Variants in GRK5 observed in about 807,000 individuals in gnomAD.
GRK5 encodes the protein G protein-coupled receptor kinase 5.
In GRK5, 40 loss-of-function variants were observed where a neutral mutation model predicts 78.4. The ratio of observed to expected loss-of-function variants is 0.51; its 90% CI spans 0.40 to 0.66. The LOEUF (loss-of-function observed/expected upper bound fraction) is 0.66, where lower values mean the gene tolerates loss of function less well. Among genes scored for constraint, GRK5 ranks in the 30% least tolerant of loss-of-function variants. The probability of loss-of-function intolerance (pLI) is 0.00; values close to 1 mark genes in which losing one functional copy is unlikely to be tolerated. For missense variants in GRK5, 598 were observed against 759.9 expected, an observed-to-expected ratio of 0.79 and a Z score of 2.50; for synonymous variants, 289 against 296.8, an observed-to-expected ratio of 0.97 and a Z score of 0.27.
At chr10:119,370,591 C>T (rs1030089795) in intron 2 of GRK5, among the ~76,000 whole-genome samples, 3 of 152,200 alleles carry the variant, frequency 2.0e-5, no homozygotes, top group Non-Finnish European at 2.9e-5. Flanking sequence ...TTCCAAGGGG[C>T]GGGCTGGGAA....
At chr10:119,263,957 TA>T (rs1044600753) in intron 1 of GRK5, among the ~76,000 whole-genome samples, 21 of 151,912 alleles carry the variant, frequency 1.4e-4, no homozygotes, top group Non-Finnish European at 2.8e-4. Context: ...TAAAACAAAA[TA>T]AAAAAATAAA....
rs1337814089 is a variant in GRK5 at position 119,207,819 on chromosome 10, G to A, written c.-99G>A. 4 of 1,185,690 alleles carry A rather than the reference G, an allele frequency of 3.4e-6. No individual in the cohort carries two copies. Among genetic ancestry groups the A allele is most frequent in the Non-Finnish European group, 4.7e-6 (4 of 850,156 alleles). The allele number at this position is 1,185,690 out of a possible 1,614,324, so 73.4% of individuals were successfully genotyped here. The stretch of plus-strand genomic sequence containing the variant: ...CGGGCTGCTGGCTCCCCCGGCTCCG[G>A]CAGCAGCGGCGGCAGCCCGAGCAGC... On this transcript the variant is annotated 5_prime_UTR_variant, in exon 1 of 16. Transcript: ENST00000392870.
At position 119,424,933 on chromosome 10, in the gene GRK5, G is replaced by GC. The variant is rs1286447689; in HGVS notation, c.441-54dup. On this transcript the variant is annotated intron_variant, in intron 5 of 15. Transcript: ENST00000392870. Reference sequence around the variant, plus strand: ...CATTTCCAAAGCTGGACACAGCTTTGCCCCCCTGCTTGAAGATCGGGATTA... The same window carrying GC: ...CATTTCCAAAGCTGGACACAGCTTTGCCCCCCCTGCTTGAAGATCGGGATTA... 4 of 1,191,062 alleles carry GC rather than the reference G, an allele frequency of 3.4e-6. No individual in the cohort carries two copies. The African/African-American group carries it at 4.5e-5, about 13-fold the overall frequency. The allele number at this position is 1,191,062 out of a possible 1,614,324, so 73.8% of individuals were successfully genotyped here.
intron 1 of GRK5, among the ~76,000 whole-genome samples, chr10:119,322,869 C>T (rs775356456): frequency 2.0e-5 from 3 of 152,186 alleles, no homozygotes; most frequent in African/African-American, 4.8e-5. Flanking sequence ...TCCATAGCAG[C>T]GTTATACGTA....
At chr10:119,252,566 C>T (rs996382339) in intron 1 of GRK5, among the ~76,000 whole-genome samples, 21 of 152,110 alleles carry the variant, frequency 1.4e-4, no homozygotes, top group Non-Finnish European at 2.1e-4. Flanking sequence ...GGTAGCAGCA[C>T]GATCTTGTGC....
At chr10:119,222,676 G>C (rs543893820) in intron 1 of GRK5, among the ~76,000 whole-genome samples, 41 of 152,072 alleles carry the variant, frequency 2.7e-4, no homozygotes, top group Admixed American at 5.2e-4. Context: ...CAGTAATTTT[G>C]TTAACAATTG....
chr10:119,297,764 C>T (rs1850108236), intron 1 of GRK5, among the ~76,000 whole-genome samples: 1 of 152,216 alleles, frequency 6.6e-6, no homozygotes, highest in African/African-American at 2.4e-5. Flanking sequence ...TGAAGTCATG[C>T]TCTTGGACTT....
chr10:119,212,466 G>C (rs986738358), intron 1 of GRK5, among the ~76,000 whole-genome samples: 6 of 152,112 alleles, frequency 3.9e-5, no homozygotes, highest in African/African-American at 1.4e-4. Context: ...ATACCCTTTG[G>C]ATCTGGGCTG....
intron 1 of GRK5, among the ~76,000 whole-genome samples, chr10:119,320,608 G>T (rs916396359): frequency 3.9e-5 from 6 of 152,222 alleles, no homozygotes; most frequent in Admixed American, 1.3e-4. Context: ...TAGAATTCAG[G>T]CTAAGACTGG....
At chr10:119,345,030 G>A (rs866555487) in intron 2 of GRK5, among the ~76,000 whole-genome samples, 27 of 150,506 alleles carry the variant, frequency 1.8e-4, no homozygotes, top group African/African-American at 6.1e-4. Context: ...GTGCAGTGGC[G>A]CCATCTCGGC....
At chr10:119,454,547 G>C (rs1030251153) in intron 15 of GRK5, among the ~76,000 whole-genome samples, 1 of 152,214 alleles carries the variant, frequency 6.6e-6, no homozygotes, top group African/African-American at 2.4e-5. Context: ...GCCCTCGCTA[G>C]AGCCCTTTGC....
At chr10:119,208,740 G>T (rs929752976) in intron 1 of GRK5, 6 of 152,018 alleles carry the variant, frequency 3.9e-5, no homozygotes, top group African/African-American at 1.5e-4. Flanking sequence ...TAAATGGAGT[G>T]TGTAAGATCC....
intron 1 of GRK5, among the ~76,000 whole-genome samples, chr10:119,320,123 T>C (rs1378009272): frequency 6.6e-6 from 1 of 152,102 alleles, no homozygotes; most frequent in African/African-American, 2.4e-5. Context: ...GCCATGCCTG[T>C]AGGGTCGGAG....
At position 119,443,579 on chromosome 10, in the gene GRK5, A is replaced by G; in HGVS notation, c.1093A>G (p.Ser365Gly). ...CCTGAACAACCAGAGGTACGGCCTG[A>G]GCCCCGACTACTGGGGCCTTGGCTG... Reference protein sequence around the residue: ...EVLNNQRYGLSPDYWGLGCLI... With the variant: ...EVLNNQRYGLGPDYWGLGCLI... Residue 365 changes from serine (S) to glycine (G), a missense_variant, in exon 12 of 16, where the codon AGC (serine) becomes GGC (glycine). Coordinates refer to ENST00000392870, the MANE Select transcript of GRK5 (RefSeq NM_005308.3). 1 of 1,612,454 alleles carries G rather than the reference A, an allele frequency of 6.2e-7. No individual in the cohort carries two copies. The highest frequency in any genetic ancestry group is 8.5e-7 in the Non-Finnish European group (1 of 1,178,760).
At chr10:119,356,926 C>A (rs1001210750) in intron 2 of GRK5, among the ~76,000 whole-genome samples, 5 of 152,264 alleles carry the variant, frequency 3.3e-5, no homozygotes, top group Non-Finnish European at 5.9e-5. Context: ...CTCTCTTTAG[C>A]AACTGACCAG....
chr10:119,364,681 G>A (rs1261955949), intron 2 of GRK5, among the ~76,000 whole-genome samples: 1 of 152,198 alleles, frequency 6.6e-6, no homozygotes, highest in Non-Finnish European at 1.5e-5. Flanking sequence ...AGGCATCCTT[G>A]AAGGGCTTTC....
intron 1 of GRK5, among the ~76,000 whole-genome samples, chr10:119,260,372 CTT>C (rs56407821): frequency 3.5e-4 from 35 of 101,426 alleles, no homozygotes; most frequent in Non-Finnish European, 5.5e-4. Context: ...TAACCGTCTG[CTT>C]TTTTTTTTTT....
chr10:119,453,212 T>G lies in GRK5; in HGVS notation c.1610T>G (p.Leu537Arg). Residue 537 changes from leucine (L) to arginine (R), a missense_variant, in exon 15 of 16, where the codon CTG (leucine) becomes CGG (arginine). By Grantham distance (102) the Leu-to-Arg change is moderately radical. Coordinates refer to ENST00000392870, the MANE Select transcript of GRK5 (RefSeq NM_005308.3). ...CCTAATGGTACCCTCCCGCCAGATC[T>G]GAACAGAAACCACCCTCCGGAACCG... Reference protein sequence around the residue: ...FGPNGTLPPDLNRNHPPEPPK... With the variant: ...FGPNGTLPPDRNRNHPPEPPK... 2 of 1,612,982 alleles carry G rather than the reference T, an allele frequency of 1.2e-6. No individual in the cohort carries two copies. Among genetic ancestry groups the G allele is most frequent in the Non-Finnish European group, 1.7e-6 (2 of 1,178,986 alleles).
chr10:119,411,842 C>CT (rs10578557), intron 4 of GRK5, among the ~76,000 whole-genome samples: 2,922 of 95,754 alleles, frequency 0.031, 335 homozygotes, highest in African/African-American at 0.05. Flanking sequence ...AGATCTGCTT[C>CT]TTTTTTTTTT....
Sources: allele counts gnomAD v4.1 joint callset (sites outside exome capture counted in the v4.1 genomes callset), GRCh38; gene constraint gnomAD v4.1.1; transcripts MANE v1.5; gene names NCBI Gene and HGNC (gene_info 2026-07-23, HGNC 2026-07-21).